Variants in HTR7 observed in about 807,000 individuals in gnomAD.
HTR7 encodes the protein 5-HT-7.
Under a neutral mutation model 34.0 loss-of-function variants are expected in HTR7, and 16 were observed. The ratio of observed to expected loss-of-function variants is 0.47; its 90% CI spans 0.32 to 0.71. The LOEUF (loss-of-function observed/expected upper bound fraction) is 0.71, where lower values mean the gene tolerates loss of function less well. Ranked by LOEUF, HTR7 falls within the 30% of genes least tolerant of loss-of-function variation. The pLI, the probability that HTR7 is intolerant of heterozygous loss-of-function variation, is 0.04. For synonymous variants in HTR7, 265 were observed against 260.2 expected (o/e 1.02, Z -0.18); for missense variants, 504 against 625.5 (o/e 0.81, Z 2.07).
chr10:90,747,202 G>A (rs1460583235), intron 2 of HTR7, among the ~76,000 whole-genome samples: 17 of 152,152 alleles, frequency 1.1e-4, no homozygotes, highest in Non-Finnish European at 2.2e-4. Context: ...GCATGTAGCG[G>A]GTGTTCAATA....
At chr10:90,783,601 A>T (rs1394476175) in intron 1 of HTR7, among the ~76,000 whole-genome samples, 1 of 152,162 alleles carries the variant, frequency 6.6e-6, no homozygotes, top group Non-Finnish European at 1.5e-5. Flanking sequence ...TTAAAATTTT[A>T]TCCAGGCTTT....
rs902250950 is a variant in HTR7 at position 90,806,531 on chromosome 10, G to A, written c.539+50602C>T. Among the ~76,000 whole-genome samples the A allele has an allele frequency of 6.6e-5, 10 of 152,106 alleles. No homozygotes were observed. The East Asian group carries it at 9.7e-4, about 15-fold the overall frequency. On this transcript the variant is annotated intron_variant, in intron 1 of 3. Coordinates refer to ENST00000336152, the MANE Select transcript of HTR7 (RefSeq NM_019859.4). ...GGAGAATGGCGTGAACCCGGGAGGCGGAGCTTGTAGTGAGCCGAGATCACG... is the reference window on the plus strand; with the variant it reads ...GGAGAATGGCGTGAACCCGGGAGGCAGAGCTTGTAGTGAGCCGAGATCACG...
chr10:90,838,799 C>T lies in HTR7; in HGVS notation c.539+18334G>A, dbSNP rs535415742. Among the ~76,000 whole-genome samples, 19 of 152,330 alleles carry T rather than the reference C, an allele frequency of 1.2e-4. No homozygotes were observed. In the South Asian group the frequency reaches 3.7e-3, roughly 30 times the overall value. ...TGGCTCCTTCATGTCATTTACATCT[C>T]AGTTACATGTCACCTCCTCAGAAAG... On this transcript the variant is annotated intron_variant, in intron 1 of 3. Transcript: ENST00000336152.
chr10:90,810,069 G>A (rs1845779916), intron 1 of HTR7, among the ~76,000 whole-genome samples: 1 of 152,088 alleles, frequency 6.6e-6, no homozygotes. Context: ...ACTGTTGTGG[G>A]TATTGACGGC....
At chr10:90,826,415 T>G (rs1034796312) in intron 1 of HTR7, among the ~76,000 whole-genome samples, 1 of 152,100 alleles carries the variant, frequency 6.6e-6, no homozygotes, top group Non-Finnish European at 1.5e-5. Context: ...GGTATAAAAC[T>G]CACTGATAAT....
rs1261190652 is a variant in HTR7 at position 90,825,859 on chromosome 10, C to G, written c.539+31274G>C. ...TAAAAAATGAAGCACACCTACAAGA[C>G]TAGAAAATAGCATGAAAGGGGCAAG... On this transcript the variant is annotated intron_variant, in intron 1 of 3. Coordinates refer to ENST00000336152, the MANE Select transcript of HTR7 (RefSeq NM_019859.4). 2.6e-5 allele frequency among the ~76,000 whole-genome samples: 4 copies of G among 152,170 alleles called. No homozygotes were observed. In the East Asian group the frequency reaches 5.8e-4, roughly 22 times the overall value.
chr10:90,788,289 T>G (rs1845412068), intron 1 of HTR7, among the ~76,000 whole-genome samples: 2 of 152,126 alleles, frequency 1.3e-5, no homozygotes, highest in Non-Finnish European at 2.9e-5. Context: ...ACATAAACAG[T>G]ATTCCAAGCC....
intron 1 of HTR7, among the ~76,000 whole-genome samples, chr10:90,807,128 T>G (rs1056227517): frequency 3.3e-5 from 5 of 151,736 alleles, no homozygotes; most frequent in African/African-American, 1.2e-4. Flanking sequence ...TACGACAGAG[T>G]GGAAAAAAGA....
chr10:90,856,746 CTTATTA>C (rs916215602), intron 1 of HTR7, among the ~76,000 whole-genome samples: 1 of 152,024 alleles, frequency 6.6e-6, no homozygotes, highest in African/African-American at 2.4e-5. Flanking sequence ...TTTTCTCCGA[CTTATTA>C]TTATTATTTT....
At chr10:90,783,277 C>A (rs1271829723) in intron 1 of HTR7, among the ~76,000 whole-genome samples, 1 of 152,134 alleles carries the variant, frequency 6.6e-6, no homozygotes, top group African/African-American at 2.4e-5. Flanking sequence ...CTACCAGTGC[C>A]CAAGTTGAAA....
At chr10:90,849,408 CATATT>C (rs1043407647) in intron 1 of HTR7, among the ~76,000 whole-genome samples, 3 of 151,858 alleles carry the variant, frequency 2.0e-5, no homozygotes, top group African/African-American at 4.8e-5. Context: ...AAAAAAAACA[CATATT>C]AGAGAACAGA....
chr10:90,849,435 A>G (rs902164970), intron 1 of HTR7, among the ~76,000 whole-genome samples: 4 of 152,228 alleles, frequency 2.6e-5, no homozygotes, highest in Admixed American at 2.6e-4. Context: ...CTTCAGATGT[A>G]AAATCAGTTT....
chr10:90,844,726 CAAAAAAAAAAAAAAAAAAAAAAA>C (rs71025328), intron 1 of HTR7, among the ~76,000 whole-genome samples: 33 of 39,506 alleles, frequency 8.4e-4, no homozygotes, highest in Admixed American at 2.2e-3. Context: ...GACTCCGTCT[CAAAAAAAAAAAAAAAAAAAAAAA>C]AAAAAAAAAA....
intron 1 of HTR7, among the ~76,000 whole-genome samples, chr10:90,795,137 T>C (rs1201519920): frequency 3.9e-5 from 6 of 152,238 alleles, no homozygotes; most frequent in Admixed American, 6.5e-5. Flanking sequence ...AGATATCTCA[T>C]CAACATACTG....
At chr10:90,828,220 A>G (rs994422179) in intron 1 of HTR7, among the ~76,000 whole-genome samples, 2 of 152,240 alleles carry the variant, frequency 1.3e-5, no homozygotes, top group Admixed American at 1.3e-4. Context: ...AGCAGTAATA[A>G]GAGAGAAGTT....
chr10:90,770,145 C>T (rs1175510366), intron 1 of HTR7, among the ~76,000 whole-genome samples: 1 of 152,248 alleles, frequency 6.6e-6, no homozygotes, highest in Non-Finnish European at 1.5e-5. Context: ...CATACCGCAC[C>T]TGCGGGGAGG....
At chr10:90,776,950 T>A (rs543912134) in intron 1 of HTR7, among the ~76,000 whole-genome samples, 152 of 152,324 alleles carry the variant, frequency 1.0e-3, no homozygotes, top group Non-Finnish European at 1.9e-3. Flanking sequence ...CAAGAATTCA[T>A]TATGGCATGG....
chr10:90,762,688 A>G (rs1339699804), intron 1 of HTR7, among the ~76,000 whole-genome samples: 1 of 151,966 alleles, frequency 6.6e-6, no homozygotes, highest in Non-Finnish European at 1.5e-5. Context: ...CTTTGGTGTT[A>G]TGTTCAAAAA....
intron 1 of HTR7, among the ~76,000 whole-genome samples, chr10:90,809,794 C>T (rs936794315): frequency 5.9e-5 from 9 of 152,334 alleles, no homozygotes; most frequent in Non-Finnish European, 1.0e-4. Flanking sequence ...CACTGGAAAT[C>T]GGACTGTCCA....
Sources: gnomAD v4.1 joint callset for allele counts (sites outside exome capture counted in the v4.1 genomes callset) on GRCh38, gnomAD v4.1.1 for gene constraint, MANE v1.5 for transcripts, NCBI Gene and HGNC (gene_info 2026-07-23, HGNC 2026-07-21) for gene names.